Variants in ARIH1 observed in about 807,000 individuals in gnomAD.
ARIH1 encodes the protein E3 ubiquitin-protein ligase ARIH1.
Under a neutral mutation model 85.0 loss-of-function variants are expected in ARIH1, and 8 were observed. That is an observed-to-expected ratio of 0.09 (90% CI 0.06 to 0.17). The LOEUF (loss-of-function observed/expected upper bound fraction) is 0.17, where lower values mean the gene tolerates loss of function less well. Among genes scored for constraint, ARIH1 ranks in the 10% least tolerant of loss-of-function variants. The pLI is 1.00. For missense variants in ARIH1, 311 were observed against 718.1 expected (o/e 0.43, Z 6.48); for synonymous variants, 238 against 253.6 (o/e 0.94, Z 0.59).
rs1159400287 is a variant in ARIH1 at position 72,577,185 on chromosome 15, A to G, written c.1216-3546A>G. On this transcript the variant is annotated intron_variant, in intron 11 of 13. Coordinates refer to ENST00000379887, the MANE Select transcript of ARIH1 (RefSeq NM_005744.5). ...TTTTTAGTAGAGACGGGATTTCATC[A>G]TGTTGGTCAGGCTGGTCTTGAACTC... Among the ~76,000 whole-genome samples the G allele has an allele frequency of 4.0e-5, 6 of 151,654 alleles. No homozygotes were observed. The East Asian group carries it at 7.9e-4, about 20-fold the overall frequency.
intron 2 of ARIH1, among the ~76,000 whole-genome samples, chr15:72,530,919 A>C (rs2064053722): frequency 6.6e-6 from 1 of 152,224 alleles, no homozygotes; most frequent in South Asian, 2.1e-4. Context: ...ATTGAGTTTT[A>C]GAAAGAGAGG....
chr15:72,530,812 TG>T (rs2064053179), intron 2 of ARIH1, among the ~76,000 whole-genome samples: 1 of 152,162 alleles, frequency 6.6e-6, no homozygotes, highest in Non-Finnish European at 1.5e-5. Context: ...TTAGTGTATT[TG>T]AAAATCAAAC....
At chr15:72,539,300 G>A (rs1346593350) in intron 2 of ARIH1, among the ~76,000 whole-genome samples, 1 of 152,118 alleles carries the variant, frequency 6.6e-6, no homozygotes, top group East Asian at 1.9e-4. Flanking sequence ...TCTATGCCTG[G>A]ACTACTATCC....
intron 1 of ARIH1, among the ~76,000 whole-genome samples, chr15:72,511,347 G>A (rs1257425777): frequency 6.6e-6 from 1 of 152,072 alleles, no homozygotes; most frequent in Admixed American, 6.6e-5. Context: ...TTGTTGTCCA[G>A]GCTGGAGTGC....
rs1031628495 is a variant in ARIH1 at position 72,594,274 on chromosome 15, A to C, written c.*10982A>C. The C allele has an allele frequency of 2.6e-5, 4 of 151,584 alleles. No homozygotes were observed. The highest frequency in any genetic ancestry group is 9.7e-5 in the African/African-American group (4 of 41,158). The allele number at this position is 151,584 out of a possible 1,614,324, so 9.4% of individuals were successfully genotyped here. On this transcript the variant is annotated 3_prime_UTR_variant, in exon 14 of 14. Coordinates refer to ENST00000379887, the MANE Select transcript of ARIH1 (RefSeq NM_005744.5). The stretch of plus-strand genomic sequence containing the variant: ...AACCTCCGCCTCCCGGGTTCAAGCA[A>C]TTCTCCTGCCTCAGCCTTTTGAGTA...
Position 72,567,122 on chromosome 15 carries a change from T to C in ARIH1, c.971T>C (p.Ile324Thr). ...TTCAAACAGTGGTTAAAGAAATGGA[T>C]TAAAAAGTGTGATGATGACAGTGAA... ...PVKCKWLKKW[I>T]KKCDDDSETS... The change falls in exon 9 of 14, where the codon ATT (isoleucine) becomes ACT (threonine). Residue 324 changes from isoleucine to threonine, a missense_variant. Transcript: ENST00000379887. The C allele has an allele frequency of 1.9e-6, 3 of 1,611,700 alleles. No homozygotes were observed. The highest frequency in any genetic ancestry group is 2.5e-6 in the Non-Finnish European group (3 of 1,178,926).
At chr15:72,567,238 T>C (rs2064224733) in intron 9 of ARIH1, 61 bp downstream of exon 9, 1 of 1,389,792 alleles carries the variant, frequency 7.2e-7, no homozygotes, top group Non-Finnish European at 1.0e-6. Flanking sequence ...TACTTTGGCA[T>C]TAGCAAAAGC....
chr15:72,484,800 CA>C (rs2063831354), intron 1 of ARIH1, among the ~76,000 whole-genome samples: 1 of 151,678 alleles, frequency 6.6e-6, no homozygotes. Context: ...CACACACACA[CA>C]CACACCACAG....
At chr15:72,579,664 TGTGGCTTGTGGCTACTGTATTGGAAA>T (rs2064287596) in intron 11 of ARIH1, among the ~76,000 whole-genome samples, 1 of 152,106 alleles carries the variant, frequency 6.6e-6, no homozygotes, top group Admixed American at 6.5e-5. Flanking sequence ...AGTAGTCAGG[TGTGGCTTGTGGCTACTGTATTGGAAA>T]GTACAATTAA....
intron 1 of ARIH1, among the ~76,000 whole-genome samples, chr15:72,483,912 C>T (rs751364048): frequency 1.3e-5 from 2 of 151,830 alleles, no homozygotes; most frequent in Admixed American, 1.3e-4. Context: ...TGGCTCACGC[C>T]TGTAATCCCA....
rs563993850 is a variant in ARIH1, at chr15:72,489,013, C to T, written c.375+13999C>T. ...ATCCCACAACTTTGGGAGGTTGAGG[C>T]CAGAGGATTACTTGAGTCCAGGAGT... On this transcript the variant is annotated intron_variant, in intron 1 of 13. Transcript: ENST00000379887. Among the ~76,000 whole-genome samples the T allele has an allele frequency of 8.5e-5, 13 of 152,136 alleles. No individual in the cohort carries two copies. In the East Asian group the frequency reaches 2.1e-3, roughly 25 times the overall value.
intron 2 of ARIH1, among the ~76,000 whole-genome samples, chr15:72,543,888 A>G (rs1156277497): frequency 9.2e-5 from 14 of 151,838 alleles, no homozygotes; most frequent in Admixed American, 9.2e-4. Context: ...CCTTTTGAAT[A>G]GTAAGCTGTT....
At chr15:72,555,983 C>A in intron 5 of ARIH1, 76 bp downstream of exon 5, 1 of 1,291,566 alleles carries the variant, frequency 7.7e-7, no homozygotes, top group Non-Finnish European at 1.1e-6. Flanking sequence ...CTTAGTACCT[C>A]AAAGGAAGTG....
chr15:72,561,356 T>A (rs1180317422), intron 5 of ARIH1, 127 bp from the exon 6 acceptor site: 5 of 664,648 alleles, frequency 7.5e-6, no homozygotes, highest in Non-Finnish European at 1.3e-5. Flanking sequence ...TATGTGCATT[T>A]CAGTATTTAC....
At chr15:72,500,493 A>G (rs557815456) in intron 1 of ARIH1, among the ~76,000 whole-genome samples, 2 of 152,312 alleles carry the variant, frequency 1.3e-5, no homozygotes, top group Admixed American at 6.5e-5. Context: ...GACCCTTTCA[A>G]CTGGAAGACT....
intron 1 of ARIH1, among the ~76,000 whole-genome samples, chr15:72,478,765 A>G (rs1009785778): frequency 1.3e-5 from 2 of 152,194 alleles, no homozygotes; most frequent in African/African-American, 4.8e-5. Flanking sequence ...CACTGTCACG[A>G]TTTTGACTCA....
At chr15:72,534,815 C>G (rs1191868154) in intron 2 of ARIH1, among the ~76,000 whole-genome samples, 1 of 152,018 alleles carries the variant, frequency 6.6e-6, no homozygotes, top group African/African-American at 2.4e-5. Context: ...CTCTGCTATT[C>G]AGGCCTCAAT....
intron 2 of ARIH1, among the ~76,000 whole-genome samples, chr15:72,539,198 A>G (rs888356613): frequency 6.6e-6 from 1 of 152,228 alleles, no homozygotes; most frequent in African/African-American, 2.4e-5. Flanking sequence ...GATTTTCAGA[A>G]GCAATGATTT....
At chr15:72,525,297 AATC>A (rs2064022428) in intron 2 of ARIH1, among the ~76,000 whole-genome samples, 1 of 152,230 alleles carries the variant, frequency 6.6e-6, no homozygotes, top group South Asian at 2.1e-4. Context: ...GATAAAGAAT[AATC>A]ATAATAAATG....
Sources: allele counts gnomAD v4.1 joint callset (sites outside exome capture counted in the v4.1 genomes callset), GRCh38; gene constraint gnomAD v4.1.1; transcripts MANE v1.5; gene names NCBI Gene and HGNC (gene_info 2026-07-23, HGNC 2026-07-21).